Variants in ACP3 observed in about 807,000 individuals in gnomAD.
ACP3 encodes the protein prostatic acid phosphatase.
Under a neutral mutation model 45.6 loss-of-function variants are expected in ACP3, and 38 were observed. That is an observed-to-expected ratio of 0.83 (90% CI 0.64 to 1.09). ACP3 has a LOEUF of 1.09. ACP3 is among the 50% of genes least tolerant of loss of function. The probability of loss-of-function intolerance (pLI) is 0.00; values close to 1 mark genes in which losing one functional copy is unlikely to be tolerated. For missense variants in ACP3, 466 were observed against 463.2 expected, an observed-to-expected ratio of 1.01 and a Z score of -0.05; for synonymous variants, 162 against 164.7, an observed-to-expected ratio of 0.98 and a Z score of 0.13.
At position 132,358,326 on chromosome 3, in the gene ACP3, G is replaced by A. The variant is rs1937963579; in HGVS notation, c.*1448G>A. The A allele has an allele frequency of 8.9e-7, 1 of 1,120,886 alleles. No homozygotes were observed. The highest frequency in any genetic ancestry group is 3.8e-5 in the Admixed American group (1 of 26,366). The allele number at this position is 1,120,886 out of a possible 1,614,324, so 69.4% of individuals were successfully genotyped here. ...CAAGTTCAAAACTTATTGGAATGTTGAGAGTGTGGTTACGAAATACGTTAG... is the reference window on the plus strand; with the variant it reads ...CAAGTTCAAAACTTATTGGAATGTTAAGAGTGTGGTTACGAAATACGTTAG... On this transcript the variant is annotated 3_prime_UTR_variant, in exon 10 of 10. Transcript: ENST00000336375.
chr3:132,334,325 A>G (rs1046323392), intron 4 of ACP3, among the ~76,000 whole-genome samples: 9 of 152,230 alleles, frequency 5.9e-5, no homozygotes, highest in Non-Finnish European at 1.3e-4. Context: ...AAATTCTCTC[A>G]TATCAACTAA....
At position 132,357,509 on chromosome 3, in the gene ACP3, T is replaced by A. The variant is rs1262585683; in HGVS notation, c.*631T>A. ...GGCTACAGAACTAAAAATTAAAACC[T>A]CTTTGTGTCCCTTGGTCCTGGAACA... On this transcript the variant is annotated 3_prime_UTR_variant, in exon 10 of 10. Transcript: ENST00000336375. 1 of 985,048 alleles carries A rather than the reference T, an allele frequency of 1.0e-6. No homozygotes were observed. Among genetic ancestry groups the A allele is most frequent in the Non-Finnish European group, 1.2e-6 (1 of 829,668 alleles). 61.0% of individuals were successfully genotyped at this position (985,048 alleles called of 1,614,324 possible). A position where few individuals can be genotyped will look rare whatever the true frequency, so the allele number is the denominator to read the frequency against.
At chr3:132,334,080 AT>A (rs1937450147) in intron 4 of ACP3, among the ~76,000 whole-genome samples, 1 of 152,244 alleles carries the variant, frequency 6.6e-6, no homozygotes, top group African/African-American at 2.4e-5. Flanking sequence ...TCAAAAATAA[AT>A]AAAAAACAAA....
At chr3:132,362,712 G>A (rs1012124514), downstream of ACP3, among the ~76,000 whole-genome samples, 2 of 152,232 alleles carry the variant, frequency 1.3e-5, no homozygotes, top group Non-Finnish European at 2.9e-5. Context: ...CTAAGCAGGT[G>A]AATGAAGGTG....
chr3:132,365,709 G>A (rs1477705122), intron 10 of ACP3, among the ~76,000 whole-genome samples: 6 of 152,230 alleles, frequency 3.9e-5, no homozygotes, highest in South Asian at 2.1e-4. Flanking sequence ...GTCCAGGCAC[G>A]GTGGCTTATG....
chr3:132,345,780 T>C (rs1036475393), intron 7 of ACP3, among the ~76,000 whole-genome samples: 7 of 152,104 alleles, frequency 4.6e-5, no homozygotes, highest in Admixed American at 1.3e-4. Flanking sequence ...TGGATTCTTG[T>C]AATCAGGATA....
At position 132,349,978 on chromosome 3, in the gene ACP3, C is replaced by CA. The variant is rs1161196830; in HGVS notation, c.846dup (p.Leu283ThrfsTer8). The CA allele has an allele frequency of 1.9e-6, 3 of 1,610,224 alleles. No individual in the cohort carries two copies. Among genetic ancestry groups the CA allele is most frequent in the Non-Finnish European group, 8.5e-7 (1 of 1,176,630 alleles). On this transcript the variant is annotated frameshift_variant, in exon 8 of 10. Transcript: ENST00000336375. LOFTEE classifies it high-confidence loss of function. ...AGAGAGCAACTCAGATACCAAGCTA[C>CA]AAAAAACTCATCATGTATTCTGCGG...
chr3:132,319,251 A>T (rs1937161761), intron 1 of ACP3, among the ~76,000 whole-genome samples: 1 of 152,230 alleles, frequency 6.6e-6, no homozygotes, highest in South Asian at 2.1e-4. Context: ...TAAAGAGAAT[A>T]TTTGACTATA....
intron 5 of ACP3, among the ~76,000 whole-genome samples, chr3:132,340,181 G>A (rs1937536397): frequency 6.6e-6 from 1 of 151,992 alleles, no homozygotes; most frequent in Admixed American, 6.6e-5. Context: ...CAGGCGTGGT[G>A]GCAGGCGCCT....
downstream of ACP3, among the ~76,000 whole-genome samples, chr3:132,359,288 G>A (rs544873218): frequency 2.6e-4 from 39 of 152,202 alleles, no homozygotes; most frequent in South Asian, 2.1e-3. Flanking sequence ...CAAGGTGGGC[G>A]GATCACAAGG....
At chr3:132,350,059 G>A in intron 8 of ACP3, 57 bp downstream of exon 8, 1 of 1,205,302 alleles carries the variant, frequency 8.3e-7, no homozygotes, top group Non-Finnish European at 1.2e-6. Flanking sequence ...ATCTCTTGAA[G>A]CACAGGACCT....
intron 10 of ACP3, among the ~76,000 whole-genome samples, chr3:132,366,326 G>C (rs1938131545): frequency 6.6e-6 from 1 of 151,634 alleles, no homozygotes; most frequent in Non-Finnish European, 1.5e-5. Flanking sequence ...TTACAAAGGA[G>C]AAAGGATAGA....
At chr3:132,343,774 AC>A (rs1937576970) in intron 6 of ACP3, among the ~76,000 whole-genome samples, 1 of 152,078 alleles carries the variant, frequency 6.6e-6, no homozygotes, top group Admixed American at 6.6e-5. Flanking sequence ...CTTGTACTTA[AC>A]CATTCATTTA....
At chr3:132,323,833 A>G (rs534157293) in intron 1 of ACP3, among the ~76,000 whole-genome samples, 1 of 152,354 alleles carries the variant, frequency 6.6e-6, no homozygotes, top group Admixed American at 6.5e-5. Flanking sequence ...ACATGATATA[A>G]TATCTAAGAG....
Position 132,325,357 on chromosome 3 carries a change from G to T in ACP3, c.121-2910G>T, listed in dbSNP as rs1937279056. ...ACTTAAAACCTACTGAAATGTAGGG[G>T]AGTACAATTATTTCTGAACTATGGG... On this transcript the variant is annotated intron_variant, in intron 1 of 9. Transcript: ENST00000336375. 2.6e-5 allele frequency among the ~76,000 whole-genome samples: 4 copies of T among 152,160 alleles called. No homozygotes were observed. In the South Asian group the frequency reaches 8.3e-4, roughly 32 times the overall value.
At chr3:132,320,480 C>T (rs1385846413) in intron 1 of ACP3, among the ~76,000 whole-genome samples, 2 of 152,064 alleles carry the variant, frequency 1.3e-5, no homozygotes, top group Non-Finnish European at 2.9e-5. Context: ...CATCCTGTCT[C>T]CCCTAACCCA....
chr3:132,321,506 C>A (rs1445990131), intron 1 of ACP3, among the ~76,000 whole-genome samples: 1 of 152,158 alleles, frequency 6.6e-6, no homozygotes, highest in African/African-American at 2.4e-5. Flanking sequence ...TTGCCGGAAA[C>A]AGCACCGTGC....
At chr3:132,345,948 T>C (rs1937604594) in intron 7 of ACP3, among the ~76,000 whole-genome samples, 1 of 152,204 alleles carries the variant, frequency 6.6e-6, no homozygotes, top group Non-Finnish European at 1.5e-5. Context: ...GAAGAGAAAG[T>C]TCATCATGTC....
intron 1 of ACP3, among the ~76,000 whole-genome samples, chr3:132,327,475 T>C (rs911502185): frequency 4.7e-5 from 7 of 150,124 alleles, no homozygotes; most frequent in African/African-American, 1.7e-4. Flanking sequence ...GATGGTGCCA[T>C]TGCACTCCAG....
Sources: allele counts gnomAD v4.1 joint callset (sites outside exome capture counted in the v4.1 genomes callset), GRCh38; gene constraint gnomAD v4.1.1; transcripts MANE v1.5; gene names NCBI Gene and HGNC (gene_info 2026-07-23, HGNC 2026-07-21).